Variants in ANKRD12 observed in about 807,000 individuals in gnomAD.
The protein encoded by ANKRD12 is ankyrin repeat domain-containing protein 12.
In ANKRD12, 85 loss-of-function variants were observed where a neutral mutation model predicts 183.4. The ratio of observed to expected loss-of-function variants is 0.46; its 90% CI spans 0.39 to 0.56. The LOEUF (loss-of-function observed/expected upper bound fraction) is 0.56, where lower values mean the gene tolerates loss of function less well. Among genes scored for constraint, ANKRD12 ranks in the 20% least tolerant of loss-of-function variants. ANKRD12 has a pLI of 0.00. For synonymous variants in ANKRD12, 914 were observed against 800.2 expected (o/e 1.14, Z -2.40); for missense variants, 2,405 against 2,357.1 (o/e 1.02, Z -0.42).
intron 1 of ANKRD12, among the ~76,000 whole-genome samples, chr18:9,150,875 G>A (rs1462644202): frequency 1.3e-5 from 2 of 151,934 alleles, no homozygotes; most frequent in African/African-American, 2.4e-5. Context: ...GGATGGTCTC[G>A]ATCTCTTGAC....
At chr18:9,229,873 A>C (rs1221281513) in intron 8 of ANKRD12, among the ~76,000 whole-genome samples, 1 of 151,986 alleles carries the variant, frequency 6.6e-6, no homozygotes, top group Admixed American at 6.6e-5. Flanking sequence ...CAGTTTGCTA[A>C]TATTTTGTTG....
At chr18:9,181,298 A>G (rs775458688) in intron 1 of ANKRD12, among the ~76,000 whole-genome samples, 4 of 152,188 alleles carry the variant, frequency 2.6e-5, no homozygotes, top group Non-Finnish European at 5.9e-5. Context: ...TTTCGTTTCT[A>G]TCAAAACAAA....
chr18:9,241,223 A>G (rs967938744), intron 8 of ANKRD12, among the ~76,000 whole-genome samples: 1 of 152,200 alleles, frequency 6.6e-6, no homozygotes, highest in Non-Finnish European at 1.5e-5. Context: ...GTCCAAATAT[A>G]TATATCAACA....
chr18:9,176,744 A>G (rs1258809495), intron 1 of ANKRD12, among the ~76,000 whole-genome samples: 1 of 152,224 alleles, frequency 6.6e-6, no homozygotes, highest in Non-Finnish European at 1.5e-5. Flanking sequence ...TTTTGCCTTC[A>G]TTATAAATAA....
Position 9,279,657 on chromosome 18 carries a change from G to A in ANKRD12, c.6003+13G>A. On this transcript the variant is annotated intron_variant, in intron 12 of 12. Transcript: ENST00000262126. ...TGACAAATTAAAGGTATGTATGTTTGGAAGTCAGTTTAAATGAATGCTTCC... is the reference window on the plus strand; with the variant it reads ...TGACAAATTAAAGGTATGTATGTTTAGAAGTCAGTTTAAATGAATGCTTCC... 1 of 1,513,678 alleles carries A rather than the reference G, an allele frequency of 6.6e-7. No homozygotes were observed. The highest frequency in any genetic ancestry group is 1.2e-5 in the South Asian group (1 of 82,744). The allele number at this position is 1,513,678 out of a possible 1,614,324, so 93.8% of individuals were successfully genotyped here.
chr18:9,256,431 AGTC>A lies in ANKRD12; in HGVS notation c.3165_3167del (p.Ser1057del). The A allele has an allele frequency of 1.2e-6, 2 of 1,613,354 alleles. No individual in the cohort carries two copies. Among genetic ancestry groups the A allele is most frequent in the Non-Finnish European group, 1.7e-6 (2 of 1,179,766 alleles). Reference sequence around the variant, plus strand: ...TCTGAAGCAGATAAGCCTAAACCTAAGTCATCACCAGCATCAAAAGATACCCGA... The same window carrying A: ...TCTGAAGCAGATAAGCCTAAACCTAAATCACCAGCATCAAAAGATACCCGA... On this transcript the variant is annotated inframe_deletion, in exon 9 of 13. Coordinates refer to ENST00000262126, the MANE Select transcript of ANKRD12 (RefSeq NM_015208.5).
At chr18:9,208,865 C>A in intron 5 of ANKRD12, 62 bp downstream of exon 5, 2 of 1,364,248 alleles carry the variant, frequency 1.5e-6, no homozygotes, top group Non-Finnish European at 9.7e-7. Context: ...ACTGTAGTCT[C>A]GTCTTAACAA....
At chr18:9,221,795 GGTGCA>G in intron 7 of ANKRD12, 52 bp from the exon 8 acceptor site, 1 of 1,559,442 alleles carries the variant, frequency 6.4e-7, no homozygotes, top group Non-Finnish European at 8.8e-7. Context: ...CAAGAGAATG[GGTGCA>G]GTGATAACAA....
At chr18:9,163,373 G>C (rs1214997508) in intron 1 of ANKRD12, among the ~76,000 whole-genome samples, 2 of 152,102 alleles carry the variant, frequency 1.3e-5, no homozygotes, top group African/African-American at 4.8e-5. Flanking sequence ...TCTTATTTCT[G>C]AGTTCTCTGT....
intron 8 of ANKRD12, among the ~76,000 whole-genome samples, chr18:9,244,138 AAAAT>A (rs1450918851): frequency 6.6e-6 from 1 of 152,226 alleles, no homozygotes; most frequent in Non-Finnish European, 1.5e-5. Flanking sequence ...CCGTCTCAAA[AAAAT>A]GAATGAATGA....
intron 9 of ANKRD12, chr18:9,259,615 TAAAA>T (rs2038851619): frequency 6.6e-6 from 1 of 152,212 alleles, no homozygotes; most frequent in African/African-American, 2.4e-5. Flanking sequence ...AATATTGTTC[TAAAA>T]GAGACTAAAA....
chr18:9,207,920 G>A (rs1281180168), intron 4 of ANKRD12, among the ~76,000 whole-genome samples: 1 of 152,198 alleles, frequency 6.6e-6, no homozygotes, highest in Non-Finnish European at 1.5e-5. Flanking sequence ...GTCTGAATTT[G>A]CTGACACTTA....
At position 9,189,843 on chromosome 18, in the gene ANKRD12, T is replaced by A. The variant is rs182746307; in HGVS notation, c.88-5708T>A. Among the ~76,000 whole-genome samples the A allele has an allele frequency of 3.3e-5, 5 of 152,292 alleles. No individual in the cohort carries two copies. The East Asian group carries it at 7.7e-4, about 24-fold the overall frequency. ...TGTCAGTGAGCTGTCACCCAAGAGC[T>A]CTGACAGAGACATACAAAGAGAATA... On this transcript the variant is annotated intron_variant, in intron 2 of 12. Coordinates refer to ENST00000262126, the MANE Select transcript of ANKRD12 (RefSeq NM_015208.5).
At chr18:9,166,752 T>C (rs1214862133) in intron 1 of ANKRD12, among the ~76,000 whole-genome samples, 2 of 152,226 alleles carry the variant, frequency 1.3e-5, no homozygotes, top group African/African-American at 2.4e-5. Flanking sequence ...TTGGCTTTTG[T>C]TGCCATTGCT....
At chr18:9,239,972 A>G (rs2037566732) in intron 8 of ANKRD12, among the ~76,000 whole-genome samples, 2 of 152,184 alleles carry the variant, frequency 1.3e-5, no homozygotes, top group African/African-American at 2.4e-5. Flanking sequence ...AGCCCTCAAG[A>G]TAAGGAGCTT....
At chr18:9,171,006 G>A (rs1444088403) in intron 1 of ANKRD12, among the ~76,000 whole-genome samples, 1 of 152,162 alleles carries the variant, frequency 6.6e-6, no homozygotes, top group East Asian at 1.9e-4. Flanking sequence ...AGTAGCAGTG[G>A]CTGCAGAAGC....
At chr18:9,185,272 TAGAA>T (rs956886320) in intron 2 of ANKRD12, among the ~76,000 whole-genome samples, 12 of 152,260 alleles carry the variant, frequency 7.9e-5, no homozygotes, top group African/African-American at 2.9e-4. Flanking sequence ...GGAAGGGTCA[TAGAA>T]AGAACCAGTC....
chr18:9,262,786 C>CTTG (rs775877613), intron 9 of ANKRD12, among the ~76,000 whole-genome samples: 1 of 87,940 alleles, frequency 1.1e-5, no homozygotes, highest in South Asian at 4.6e-4. Context: ...CCAAGATGTC[C>CTTG]CTTTTTTTTT....
chr18:9,284,929 AG>A lies in ANKRD12; in HGVS notation c.*3805del, dbSNP rs1402122679. On this transcript the variant is annotated 3_prime_UTR_variant, in exon 13 of 13. Transcript: ENST00000262126. ...CTCATAAAAGAAAATAGGCCAGGCCAGGCGCAGTGGCTCGCGCCTGTAATCC... is the reference window on the plus strand; with the variant it reads ...CTCATAAAAGAAAATAGGCCAGGCCAGCGCAGTGGCTCGCGCCTGTAATCC... The A allele has an allele frequency of 1.3e-5, 2 of 152,274 alleles. No individual in the cohort carries two copies. Among genetic ancestry groups the A allele is most frequent in the East Asian group, 3.8e-4 (2 of 5,202 alleles). 9.4% of individuals were successfully genotyped at this position (152,274 alleles called of 1,614,324 possible).
Sources: allele counts gnomAD v4.1 joint callset (sites outside exome capture counted in the v4.1 genomes callset), GRCh38; gene constraint gnomAD v4.1.1; transcripts MANE v1.5; gene names NCBI Gene and HGNC (gene_info 2026-07-23, HGNC 2026-07-21).